Variants in LRFN5 observed in about 807,000 individuals in gnomAD.
LRFN5 encodes the protein leucine-rich repeat and fibronectin type-III domain-containing protein 5.
A neutral mutation model predicts 45.6 loss-of-function variants in LRFN5; 24 were observed. The observed-to-expected ratio is 0.53, with a 90% confidence interval of 0.38 to 0.74. The LOEUF (loss-of-function observed/expected upper bound fraction) is 0.74, where lower values mean the gene tolerates loss of function less well. Ranked by LOEUF, LRFN5 falls within the 30% of genes least tolerant of loss-of-function variation. The pLI is 0.00. For missense variants in LRFN5, 776 were observed against 861.5 expected, an observed-to-expected ratio of 0.90 and a Z score of 1.24; for synonymous variants, 340 against 313.8, an observed-to-expected ratio of 1.08 and a Z score of -0.88.
chr14:41,701,616 G>A (rs1471021043), intron 1 of LRFN5: 3 of 152,160 alleles, frequency 2.0e-5, no homozygotes, highest in Non-Finnish European at 2.9e-5. Flanking sequence ...ATGAATATAG[G>A]TGTGCTTTAT....
At chr14:41,623,101 C>G (rs941573627) in intron 1 of LRFN5, among the ~76,000 whole-genome samples, 5 of 152,224 alleles carry the variant, frequency 3.3e-5, no homozygotes, top group African/African-American at 1.2e-4. Flanking sequence ...GTCAGCTCTG[C>G]TATTAAAGTT....
intron 2 of LRFN5, among the ~76,000 whole-genome samples, chr14:41,862,571 A>G (rs1889702446): frequency 6.6e-6 from 1 of 152,166 alleles, no homozygotes; most frequent in Admixed American, 6.5e-5. Context: ...GATATATGCC[A>G]TTTGTGAAAA....
At chr14:41,903,143 C>T (rs184173631) in intron 5 of LRFN5, among the ~76,000 whole-genome samples, 1 of 151,528 alleles carries the variant, frequency 6.6e-6, no homozygotes, top group East Asian at 1.9e-4. Context: ...TTCAGATTAT[C>T]AATTATTTTG....
Position 41,608,413 on chromosome 14 carries a change from A to G in LRFN5, c.-346A>G, listed in dbSNP as rs1887590973. On this transcript the variant is annotated 5_prime_UTR_variant, in exon 1 of 6. Coordinates refer to ENST00000298119, the MANE Select transcript of LRFN5 (RefSeq NM_152447.5). ...GCAGGAGCCGCCTTTCCGATTCCCT[A>G]CGATGCGGGTGCTGAGCTATGGCAA... 6.6e-6 allele frequency: 1 copy of G among 152,520 alleles called. No homozygotes were observed. The highest frequency in any genetic ancestry group is 1.5e-5 in the Non-Finnish European group (1 of 68,052). The allele number at this position is 152,520 out of a possible 1,614,324, so 9.4% of individuals were successfully genotyped here.
At chr14:41,812,713 T>C (rs1887777186) in intron 2 of LRFN5, among the ~76,000 whole-genome samples, 1 of 152,044 alleles carries the variant, frequency 6.6e-6, no homozygotes, top group African/African-American at 2.4e-5. Context: ...TTTAATACAA[T>C]AAAATTTGTT....
intron 1 of LRFN5, among the ~76,000 whole-genome samples, chr14:41,675,066 C>T (rs1881548858): frequency 6.6e-6 from 1 of 151,734 alleles, no homozygotes; most frequent in South Asian, 2.1e-4. Context: ...AGAGGCGCTC[C>T]TCACTTCCTA....
intron 2 of LRFN5, among the ~76,000 whole-genome samples, chr14:41,820,188 C>T (rs57948909): frequency 0.017 from 2,218 of 133,326 alleles, 51 homozygotes; most frequent in African/African-American, 0.06. Flanking sequence ...AAATTATTTT[C>T]GTAGGCCAAA....
rs372315722 is a variant in LRFN5, at chr14:41,887,846, A to G, written c.1221A>G (p.Thr407=). The change falls in exon 3 of 6, where the codon ACA becomes ACG. Residue 407 remains threonine, a synonymous_variant. Coordinates refer to ENST00000298119, the MANE Select transcript of LRFN5 (RefSeq NM_152447.5). The surrounding 1 kb of genome is among the most constrained non-coding windows in gnomAD (Gnocchi z 4.8). The part of the protein sequence containing the change: ...ISTSTKSGSN[T]SSSNGDTKLS... ...CTTCTACCAAGTCAGGTTCTAATAC[A>G]AGCAGTAGTAATGGTGATACTAAAT... 61 of 1,613,970 alleles carry G rather than the reference A, an allele frequency of 3.8e-5. No individual in the cohort carries two copies. The African/African-American group carries it at 6.7e-4, about 18-fold the overall frequency.
chr14:41,758,505 A>G (rs1287607999), intron 1 of LRFN5, among the ~76,000 whole-genome samples: 2 of 152,192 alleles, frequency 1.3e-5, no homozygotes, highest in South Asian at 2.1e-4. Context: ...TCATAAGCCT[A>G]TGGAGACATT....
At chr14:41,811,752 T>A (rs1209483497) in intron 2 of LRFN5, among the ~76,000 whole-genome samples, 1 of 151,958 alleles carries the variant, frequency 6.6e-6, no homozygotes, top group African/African-American at 2.4e-5. Flanking sequence ...TACTTAGGAC[T>A]TGGGTCAGGT....
At chr14:41,844,376 G>T (rs1888982409) in intron 2 of LRFN5, among the ~76,000 whole-genome samples, 1 of 150,826 alleles carries the variant, frequency 6.6e-6, no homozygotes, top group Non-Finnish European at 1.5e-5. Context: ...GGCAGAGCTT[G>T]CAGTGAGCGG....
chr14:41,609,157 T>C (rs1005602945), intron 1 of LRFN5, among the ~76,000 whole-genome samples: 1 of 152,180 alleles, frequency 6.6e-6, no homozygotes, highest in Admixed American at 6.5e-5. Flanking sequence ...TGTCTTGAGA[T>C]ATGGTGTTTA....
chr14:41,668,663 C>T (rs1881021372), intron 1 of LRFN5, among the ~76,000 whole-genome samples: 1 of 152,178 alleles, frequency 6.6e-6, no homozygotes, highest in Non-Finnish European at 1.5e-5. Context: ...CTGCTTTTCA[C>T]ATCAGCTTAT....
chr14:41,892,164 G>A, intron 4 of LRFN5: 1 of 985,366 alleles, frequency 1.0e-6, no homozygotes, highest in African/African-American at 1.7e-5. Context: ...CTCAAATTCT[G>A]AGGGACTACT....
intron 2 of LRFN5, among the ~76,000 whole-genome samples, chr14:41,813,889 G>A (rs1234205038): frequency 6.6e-6 from 1 of 151,818 alleles, no homozygotes; most frequent in Non-Finnish European, 1.5e-5. Context: ...TTGTGGTTTT[G>A]ATTTGCATTT....
intron 2 of LRFN5, among the ~76,000 whole-genome samples, chr14:41,785,243 A>C (rs1190739728): frequency 6.6e-6 from 1 of 152,080 alleles, no homozygotes; most frequent in Non-Finnish European, 1.5e-5. Flanking sequence ...TGCAGTGTTC[A>C]GACCACTTAT....
rs370433687 is a variant in LRFN5 at position 41,722,059 on chromosome 14, A to T, written c.-196-44795A>T. ...TCTATATTTTTTGAAGACTTTGTTC[A>T]TTTTTTTAAATTATTTTTTCTTAAT... On this transcript the variant is annotated intron_variant, in intron 1 of 5. Coordinates refer to ENST00000298119, the MANE Select transcript of LRFN5 (RefSeq NM_152447.5). Among the ~76,000 whole-genome samples the T allele has an allele frequency of 7.9e-5, 12 of 151,996 alleles. No homozygotes were observed. The East Asian group carries it at 2.1e-3, about 27-fold the overall frequency.
At chr14:41,682,177 A>G (rs975121683) in intron 1 of LRFN5, among the ~76,000 whole-genome samples, 1 of 151,966 alleles carries the variant, frequency 6.6e-6, no homozygotes, top group Non-Finnish European at 1.5e-5. Flanking sequence ...AATAATGACA[A>G]GGAGGTTGCA....
intron 1 of LRFN5, among the ~76,000 whole-genome samples, chr14:41,751,669 T>C (rs4600382): frequency 0.73 from 111,448 of 151,982 alleles, 41,131 homozygotes; most frequent in East Asian, 0.97. Context: ...TAACTTAACC[T>C]TAAGTATCTT....
Sources: gnomAD v4.1 joint callset for allele counts (sites outside exome capture counted in the v4.1 genomes callset) on GRCh38, gnomAD v4.1.1 for gene constraint, Gnocchi (gnomAD v3.1) non-coding constraint, MANE v1.5 for transcripts, NCBI Gene and HGNC (gene_info 2026-07-23, HGNC 2026-07-21) for gene names.